The following KHDRBS2 variants were observed in gnomAD, a reference collection of about 807,000 sequenced individuals.
KHDRBS2 encodes the protein KH RNA binding domain containing, signal transduction associated 2.
In KHDRBS2, 26 loss-of-function variants were observed where a neutral mutation model predicts 44.3. That is an observed-to-expected ratio of 0.59 (90% CI 0.43 to 0.81). The LOEUF (loss-of-function observed/expected upper bound fraction) is 0.81. KHDRBS2 is among the 40% of genes least tolerant of loss of function. The pLI is 0.00. For missense variants in KHDRBS2, 476 were observed against 433.1 expected, an observed-to-expected ratio of 1.10 and a Z score of -0.88; for synonymous variants, 194 against 151.1, an observed-to-expected ratio of 1.28 and a Z score of -2.08.
chr6:62,249,625 C>T (rs1267867019), intron 1 of KHDRBS2, among the ~76,000 whole-genome samples: 1 of 151,982 alleles, frequency 6.6e-6, no homozygotes, highest in African/African-American at 2.4e-5. Context: ...CTAACTTTCA[C>T]ATTTACCTCC....
chr6:61,801,705 G>T (rs776150530), intron 6 of KHDRBS2, among the ~76,000 whole-genome samples: 3 of 152,068 alleles, frequency 2.0e-5, no homozygotes, highest in African/African-American at 4.8e-5. Context: ...ATTCCAGGAG[G>T]TTTGTTACAA....
intron 6 of KHDRBS2, among the ~76,000 whole-genome samples, chr6:61,877,700 TA>T (rs1334973730): frequency 6.6e-6 from 1 of 151,940 alleles, no homozygotes; most frequent in Non-Finnish European, 1.5e-5. Flanking sequence ...AAAAATGGTG[TA>T]AAAAACCACT....
chr6:61,753,988 C>T (rs902747381), intron 6 of KHDRBS2, among the ~76,000 whole-genome samples: 3 of 152,034 alleles, frequency 2.0e-5, no homozygotes, highest in African/African-American at 7.2e-5. Flanking sequence ...GAAATGCTGA[C>T]AGCCACCAGA....
At chr6:61,990,529 G>A (rs1043619760) in intron 3 of KHDRBS2, among the ~76,000 whole-genome samples, 1 of 151,922 alleles carries the variant, frequency 6.6e-6, no homozygotes, top group African/African-American at 2.4e-5. Flanking sequence ...GCTCATACAA[G>A]CTTCTAGAAG....
chr6:62,012,185 C>A (rs1414378539), intron 3 of KHDRBS2, among the ~76,000 whole-genome samples: 2 of 152,174 alleles, frequency 1.3e-5, no homozygotes, highest in Non-Finnish European at 2.9e-5. Context: ...ATGTTTCCTC[C>A]AGAGTCCAAG....
At chr6:61,986,127 C>T (rs1033801879) in intron 3 of KHDRBS2, among the ~76,000 whole-genome samples, 10 of 152,062 alleles carry the variant, frequency 6.6e-5, no homozygotes, top group African/African-American at 2.4e-4. Flanking sequence ...TAAGCTTTAG[C>T]TTCTTAATCT....
At chr6:62,246,429 T>G (rs1211071030) in intron 1 of KHDRBS2, among the ~76,000 whole-genome samples, 1 of 152,038 alleles carries the variant, frequency 6.6e-6, no homozygotes, top group Non-Finnish European at 1.5e-5. Context: ...AGTTCATTTT[T>G]CACATGTGGT....
At chr6:62,039,255 A>AGCAAACAC (rs1554342051) in intron 3 of KHDRBS2, among the ~76,000 whole-genome samples, 1 of 145,798 alleles carries the variant, frequency 6.9e-6, no homozygotes, top group African/African-American at 2.5e-5. Flanking sequence ...TACACAGGCA[A>AGCAAACAC]ACACACACAC....
At chr6:62,073,204 T>C (rs1795595762) in intron 2 of KHDRBS2, among the ~76,000 whole-genome samples, 3 of 151,854 alleles carry the variant, frequency 2.0e-5, no homozygotes, top group South Asian at 2.1e-4. Context: ...GGAATTTTCA[T>C]TGTGGGAGTT....
chr6:62,144,293 A>G (rs1248826231), intron 2 of KHDRBS2, among the ~76,000 whole-genome samples: 1 of 151,976 alleles, frequency 6.6e-6, no homozygotes, highest in Non-Finnish European at 1.5e-5. Flanking sequence ...TTCCTGTTTT[A>G]GATGTTAACA....
intron 4 of KHDRBS2, among the ~76,000 whole-genome samples, chr6:61,963,537 ACT>A (rs1769228714): frequency 6.6e-6 from 1 of 152,084 alleles, no homozygotes; most frequent in Non-Finnish European, 1.5e-5. Context: ...TAGGGATGTG[ACT>A]CTATGAAAGG....
chr6:61,604,504 G>C, the KHDRBS2 span, among the ~76,000 whole-genome samples: 1 of 152,196 alleles, frequency 6.6e-6, no homozygotes, highest in Non-Finnish European at 1.5e-5. Flanking sequence ...CAGCCTCACA[G>C]GCCCATTCTA....
At chr6:61,672,650 A>G in the KHDRBS2 span, among the ~76,000 whole-genome samples, 1 of 152,044 alleles carries the variant, frequency 6.6e-6, no homozygotes, top group African/African-American at 2.4e-5. Flanking sequence ...TCTTCTTTTG[A>G]GAAGTGTCTG....
the KHDRBS2 span, among the ~76,000 whole-genome samples, chr6:61,602,938 TC>T: frequency 6.6e-6 from 1 of 151,942 alleles, no homozygotes; most frequent in African/African-American, 2.4e-5. Context: ...TTGCCACCTT[TC>T]CCCCCAGTTC....
intron 7 of KHDRBS2, among the ~76,000 whole-genome samples, chr6:61,715,325 T>G (rs747893898): frequency 6.6e-6 from 1 of 151,962 alleles, no homozygotes; most frequent in Non-Finnish European, 1.5e-5. Context: ...CTTGCTAAAT[T>G]CTAGGTTTGA....
intron 2 of KHDRBS2, among the ~76,000 whole-genome samples, chr6:62,067,386 T>A (rs1257628551): frequency 6.6e-6 from 1 of 151,526 alleles, no homozygotes. Context: ...TTGTACATGA[T>A]TCTAGTAAGA....
intron 1 of KHDRBS2, among the ~76,000 whole-genome samples, chr6:62,213,549 A>C (rs1829449555): frequency 6.6e-6 from 1 of 152,148 alleles, no homozygotes; most frequent in Non-Finnish European, 1.5e-5. Flanking sequence ...TAGCAGAATC[A>C]TGGGGAAAGA....
intron 6 of KHDRBS2, 89 bp downstream of exon 6, chr6:61,894,546 A>C: frequency 9.9e-7 from 1 of 1,005,348 alleles, no homozygotes; most frequent in Non-Finnish European, 1.5e-6. Flanking sequence ...ATTACCTGCT[A>C]TATTCACGGT....
chr6:61,618,953 T>C, the KHDRBS2 span, among the ~76,000 whole-genome samples: 1 of 152,214 alleles, frequency 6.6e-6, no homozygotes, highest in Non-Finnish European at 1.5e-5. Flanking sequence ...ATGTAAGTGC[T>C]ATGAGGGCAG....
Sources: allele counts gnomAD v4.1 joint callset (sites outside exome capture counted in the v4.1 genomes callset), GRCh38; gene constraint gnomAD v4.1.1; transcripts MANE v1.5; gene names NCBI Gene and HGNC (gene_info 2026-07-23, HGNC 2026-07-21).